LYST: variants seen among roughly 807,000 people sequenced by gnomAD.
The protein encoded by LYST is lysosomal-trafficking regulator.
In LYST, 192 loss-of-function variants were observed where a neutral mutation model predicts 413.6. The ratio of observed to expected loss-of-function variants is 0.46; its 90% CI spans 0.41 to 0.52. The LOEUF is 0.52. Ranked by LOEUF, LYST falls within the 20% of genes least tolerant of loss-of-function variation. The pLI, the probability that LYST is intolerant of heterozygous loss-of-function variation, is 0.00. For synonymous variants in LYST, 1,525 were observed against 1,567.3 expected (o/e 0.97, Z 0.64); for missense variants, 3,815 against 4,499.9 (o/e 0.85, Z 4.35).
intron 50 of LYST, among the ~76,000 whole-genome samples, chr1:235,666,857 T>C (rs1352789237): frequency 6.6e-6 from 1 of 152,200 alleles, no homozygotes; most frequent in African/African-American, 2.4e-5. Context: ...AGAAGGCTCA[T>C]TGAAGTCACT....
chr1:235,865,163 G>A (rs1024298883), intron 1 of LYST, among the ~76,000 whole-genome samples: 2 of 152,138 alleles, frequency 1.3e-5, no homozygotes, highest in African/African-American at 4.8e-5. Context: ...AAGCCCTTCT[G>A]CCTTCCTCTC....
chr1:235,665,484 C>T (rs1381699537), intron 50 of LYST, among the ~76,000 whole-genome samples: 3 of 151,696 alleles, frequency 2.0e-5, no homozygotes, highest in South Asian at 2.1e-4. Flanking sequence ...TGGTGGCGGG[C>T]GCCTGTAGTT....
chr1:235,728,973 G>T (rs538132925), intron 37 of LYST, among the ~76,000 whole-genome samples: 2 of 152,196 alleles, frequency 1.3e-5, no homozygotes, highest in African/African-American at 4.8e-5. Context: ...ACTGAGGCGT[G>T]AGAATGTGCA....
At chr1:235,735,970 AATGATC>A (rs1187707002) in intron 31 of LYST, 1 of 152,174 alleles carries the variant, frequency 6.6e-6, no homozygotes, top group Non-Finnish European at 1.5e-5. Flanking sequence ...TCTTAAAGGT[AATGATC>A]TTGATATAAC....
chr1:235,712,695 G>A (rs189975523), intron 42 of LYST: 18 of 983,324 alleles, frequency 1.8e-5, no homozygotes, highest in African/African-American at 1.8e-4. Flanking sequence ...CTTTTTTTTC[G>A]GGGGGGTGCG....
chr1:235,747,315 C>A, intron 28 of LYST: 1 of 431,114 alleles, frequency 2.3e-6, no homozygotes. Context: ...TAATGGAACC[C>A]TTCATTGGAA....
At chr1:235,792,516 T>C (rs991569041) in intron 11 of LYST, among the ~76,000 whole-genome samples, 2 of 152,074 alleles carry the variant, frequency 1.3e-5, no homozygotes, top group East Asian at 1.9e-4. Context: ...GGTTTCATCA[T>C]GTTGGCCAGG....
In LYST at chr1:235,830,265, T is replaced by G. The variant is rs11464; in HGVS notation, c.153A>C (p.Gly51=). Residue 51 remains glycine (G), a synonymous_variant, in exon 3 of 53, where the codon GGA becomes GGC. Transcript: ENST00000389793. The stretch of plus-strand genomic sequence containing the variant: ...AATTTAGCTTGGTAAGTAATAGAAA[T>G]CCTCGACCATGGACAAGGTACTGTC... The part of the protein sequence containing the change: ...TLGQYLVHGR[G]FLLLTKLNSI... 0.024 allele frequency: 38,314 copies of G among 1,613,704 alleles called. 7,352 individuals carry two copies. The African/African-American group carries it at 0.43, about 18-fold the overall frequency.
intron 50 of LYST, among the ~76,000 whole-genome samples, 176 bp downstream of exon 50, chr1:235,676,915 T>C (rs145553837): frequency 3.6e-4 from 55 of 152,372 alleles, no homozygotes; most frequent in African/African-American, 1.3e-3. Context: ...AGCTGAGGCC[T>C]AAATTGATGC....
intron 3 of LYST, among the ~76,000 whole-genome samples, chr1:235,814,752 C>G (rs953083541): frequency 1.3e-5 from 2 of 152,068 alleles, no homozygotes; most frequent in Admixed American, 1.3e-4. Context: ...CTTCTGGTGT[C>G]CTGGTTGTGA....
At chr1:235,752,760 T>C (rs185091096) in intron 26 of LYST, among the ~76,000 whole-genome samples, 300 of 152,196 alleles carry the variant, frequency 2.0e-3, no homozygotes, top group African/African-American at 7.0e-3. Flanking sequence ...ATATTAGGCC[T>C]ACAATGCTTC....
chr1:235,817,971 C>T (rs909205395), intron 3 of LYST, among the ~76,000 whole-genome samples: 1 of 152,024 alleles, frequency 6.6e-6, no homozygotes, highest in African/African-American at 2.4e-5. Flanking sequence ...GGAGAAAATA[C>T]GTAAGTTTTA....
intron 19 of LYST, among the ~76,000 whole-genome samples, chr1:235,770,784 T>C (rs1251848592): frequency 2.6e-5 from 4 of 152,316 alleles, no homozygotes; most frequent in Middle Eastern, 3.4e-3. Context: ...TTAATTTACT[T>C]TCAAGTTCAA....
intron 3 of LYST, among the ~76,000 whole-genome samples, chr1:235,818,095 T>C (rs915052277): frequency 6.6e-6 from 1 of 152,296 alleles, no homozygotes. Flanking sequence ...ATGATTATAA[T>C]TAACTTTAAT....
At chr1:235,797,870 A>G (rs1396274827) in intron 10 of LYST, among the ~76,000 whole-genome samples, 1 of 152,196 alleles carries the variant, frequency 6.6e-6, no homozygotes. Flanking sequence ...AACATATCAC[A>G]TATCTGATAA....
At chr1:235,713,641 C>T (rs1662591558) in intron 42 of LYST, among the ~76,000 whole-genome samples, 1 of 152,100 alleles carries the variant, frequency 6.6e-6, no homozygotes, top group Non-Finnish European at 1.5e-5. Context: ...ACCACTGGCA[C>T]TAGTAGGGAG....
intron 3 of LYST, chr1:235,827,971 A>G: frequency 2.5e-6 from 1 of 393,508 alleles, no homozygotes. Context: ...ACTTTTAAAG[A>G]GATGTTCATA....
At chr1:235,810,643 C>A (rs953058468) in intron 4 of LYST, 109 bp from the exon 5 acceptor site, 32 of 1,003,968 alleles carry the variant, frequency 3.2e-5, no homozygotes, top group Non-Finnish European at 4.7e-5. Context: ...AGTTTATCCT[C>A]AATGTATTTT....
intron 11 of LYST, among the ~76,000 whole-genome samples, 196 bp from the exon 12 acceptor site, chr1:235,792,321 T>C (rs1422613424): frequency 6.6e-6 from 1 of 152,042 alleles, no homozygotes; most frequent in African/African-American, 2.4e-5. Context: ...CAGATTTCAT[T>C]CTTTTTTTTT....
Sources: allele counts gnomAD v4.1 joint callset (sites outside exome capture counted in the v4.1 genomes callset), GRCh38; gene constraint gnomAD v4.1.1; transcripts MANE v1.5; gene names NCBI Gene and HGNC (gene_info 2026-07-23, HGNC 2026-07-21).